The following FGD3 variants were observed in gnomAD, a reference collection of about 807,000 sequenced individuals.
The protein encoded by FGD3 is FYVE, RhoGEF and PH domain-containing protein 3.
FGD3 carries 45 observed loss-of-function variants against 71.8 expected under a neutral mutation model. That is an observed-to-expected ratio of 0.63 (90% CI 0.49 to 0.80). The LOEUF (loss-of-function observed/expected upper bound fraction) is 0.80, where lower values mean the gene tolerates loss of function less well. Among genes scored for constraint, FGD3 ranks in the 30% least tolerant of loss-of-function variants. The pLI, the probability that FGD3 is intolerant of heterozygous loss-of-function variation, is 0.00. For missense variants in FGD3, 844 were observed against 951.5 expected (o/e 0.89, Z 1.49); for synonymous variants, 378 against 392.8 (o/e 0.96, Z 0.44).
chr9:92,952,384 C>G (rs1858970359), intron 1 of FGD3, among the ~76,000 whole-genome samples: 4 of 152,112 alleles, frequency 2.6e-5, no homozygotes, highest in Admixed American at 2.6e-4. Flanking sequence ...CTACAGGCAC[C>G]CGCCACCACG....
chr9:92,953,600 A>G (rs1858997194), intron 1 of FGD3, among the ~76,000 whole-genome samples: 1 of 152,172 alleles, frequency 6.6e-6, no homozygotes, highest in African/African-American at 2.4e-5. Context: ...TATTTTCCCC[A>G]TGTTGGGGTG....
At chr9:93,029,059 G>A (rs1401441134) in intron 14 of FGD3, among the ~76,000 whole-genome samples, 1 of 125,442 alleles carries the variant, frequency 8.0e-6, no homozygotes, top group Non-Finnish European at 1.6e-5. Context: ...TCGCTCTATA[G>A]CCCAGGCTGG....
At chr9:93,013,784 T>C in intron 8 of FGD3, 68 bp from the exon 9 acceptor site, 1 of 1,594,476 alleles carries the variant, frequency 6.3e-7, no homozygotes, top group African/African-American at 1.4e-5. Context: ...AGGGAAGGAC[T>C]CCGTGCATCT....
chr9:92,960,964 TG>T (rs1194987339), intron 1 of FGD3, among the ~76,000 whole-genome samples: 1 of 150,846 alleles, frequency 6.6e-6, no homozygotes, highest in African/African-American at 2.4e-5. Context: ...TCCTGGTGAG[TG>T]GGTGCTCTTC....
At chr9:93,004,676 T>C (rs1301373343) in intron 5 of FGD3, among the ~76,000 whole-genome samples, 2 of 152,080 alleles carry the variant, frequency 1.3e-5, no homozygotes, top group African/African-American at 4.8e-5. Flanking sequence ...ACGTTGCGTG[T>C]TGCGTTTCCC....
At chr9:93,019,003 G>A (rs771182202) in intron 11 of FGD3, among the ~76,000 whole-genome samples, 6 of 151,992 alleles carry the variant, frequency 3.9e-5, no homozygotes, top group Non-Finnish European at 5.9e-5. Context: ...CCGCCACCAC[G>A]CCAGGCTAAT....
chr9:93,019,166 A>G (rs556871056), intron 11 of FGD3, among the ~76,000 whole-genome samples: 7 of 152,266 alleles, frequency 4.6e-5, no homozygotes, highest in Admixed American at 1.3e-4. Flanking sequence ...AGGATTTTCT[A>G]TGCACATGCA....
chr9:93,010,444 G>T, intron 7 of FGD3, 60 bp downstream of exon 7: 1 of 1,519,752 alleles, frequency 6.6e-7, no homozygotes, highest in Non-Finnish European at 8.9e-7. Context: ...AACTCTGGGG[G>T]TGGGGAGAGA....
Position 93,004,149 on chromosome 9 carries a change from C to T in FGD3, c.680+12C>T, listed in dbSNP as rs76713473. The T allele has an allele frequency of 5.9e-3, 9,580 of 1,612,970 alleles. 516 individuals are homozygous for T. The African/African-American group carries it at 0.11, about 19-fold the overall frequency. On this transcript the variant is annotated intron_variant, in intron 5 of 17. Coordinates refer to ENST00000375482, the MANE Select transcript of FGD3 (RefSeq NM_001083536.2). ...ATCACGGAGGAGTGGTGAGTACCATCTGCGCATGCCCATGGGGCCCCTCAA... is the reference window on the plus strand; with the variant it reads ...ATCACGGAGGAGTGGTGAGTACCATTTGCGCATGCCCATGGGGCCCCTCAA...
At chr9:93,029,070 G>C (rs576546833) in intron 14 of FGD3, among the ~76,000 whole-genome samples, 2 of 138,668 alleles carry the variant, frequency 1.4e-5, no homozygotes, top group South Asian at 4.6e-4. Flanking sequence ...CCCAGGCTGG[G>C]GTGCAATGGC....
chr9:92,962,939 CA>C (rs982916623), intron 1 of FGD3, among the ~76,000 whole-genome samples: 5,965 of 105,938 alleles, frequency 0.056, 120 homozygotes, highest in Middle Eastern at 0.09. Flanking sequence ...GGCTCCGTCT[CA>C]AAAAAAAAAA....
At chr9:93,005,129 AT>A (rs796849169) in intron 5 of FGD3, among the ~76,000 whole-genome samples, 173 of 145,744 alleles carry the variant, frequency 1.2e-3, no homozygotes, top group Middle Eastern at 3.5e-3. Context: ...CCCTTTGGAC[AT>A]TTTTTTTTTT....
Position 92,947,615 on chromosome 9 carries a change from C to T in FGD3, c.-332C>T, listed in dbSNP as rs1358092933. 1 of 152,382 alleles carries T rather than the reference C, an allele frequency of 6.6e-6. No individual in the cohort carries two copies. Among genetic ancestry groups the T allele is most frequent in the Non-Finnish European group, 1.5e-5 (1 of 68,144 alleles). The allele number at this position is 152,382 out of a possible 1,614,324, so 9.4% of individuals were successfully genotyped here. ...CTGCTGCCCACTGTGAGCGACCTCC[C>T]CGGGGCTCCTCTGGAAGCGGCTCCG... On this transcript the variant is annotated 5_prime_UTR_variant, in exon 1 of 18. Coordinates refer to ENST00000375482, the MANE Select transcript of FGD3 (RefSeq NM_001083536.2).
chr9:93,030,131 A>C, intron 15 of FGD3, 135 bp downstream of exon 15: 106 of 978,370 alleles, frequency 1.1e-4, no homozygotes, highest in Non-Finnish European at 1.3e-4. Flanking sequence ...ATCCTGGCTC[A>C]TGGATATAGA....
chr9:93,030,897 A>G (rs1284229719), intron 15 of FGD3, among the ~76,000 whole-genome samples: 1 of 152,050 alleles, frequency 6.6e-6, no homozygotes, highest in Non-Finnish European at 1.5e-5. Context: ...TAAATGGCAT[A>G]TGGAAGTATG....
intron 1 of FGD3, among the ~76,000 whole-genome samples, chr9:92,964,702 G>A (rs1345782502): frequency 6.6e-6 from 1 of 152,196 alleles, no homozygotes; most frequent in Non-Finnish European, 1.5e-5. Flanking sequence ...CCCATCGAAG[G>A]CTGGCAGGGG....
chr9:92,976,361 C>G lies in FGD3; in HGVS notation c.105C>G (p.Leu35=). ...GSSSLGKLQA[L]PVGPRAHCGD... is the part of the protein sequence containing the mutation. ...CCTCCCTAGGGAAGCTTCAGGCGCT[C>G]CCTGTTGGGCCCAGAGCCCACTGTG... The change falls in exon 3 of 18, where the codon CTC becomes CTG. Residue 35 remains leucine (L), a synonymous_variant. Coordinates refer to ENST00000375482, the MANE Select transcript of FGD3 (RefSeq NM_001083536.2). 6.2e-7 allele frequency: 1 copy of G among 1,610,494 alleles called. No individual in the cohort carries two copies. Among genetic ancestry groups the G allele is most frequent in the East Asian group, 2.2e-5 (1 of 44,832 alleles).
At chr9:93,015,039 T>C (rs919474871) in intron 9 of FGD3, among the ~76,000 whole-genome samples, 2 of 151,230 alleles carry the variant, frequency 1.3e-5, no homozygotes, top group Non-Finnish European at 3.0e-5. Context: ...TCTTCTCTGT[T>C]TCTAGAATTT....
intron 3 of FGD3, among the ~76,000 whole-genome samples, chr9:92,986,923 T>C (rs1860208172): frequency 6.6e-6 from 1 of 152,222 alleles, no homozygotes; most frequent in African/African-American, 2.4e-5. Context: ...GGAGCCTGTG[T>C]CTTTGCTGCC....
Sources: allele counts gnomAD v4.1 joint callset (sites outside exome capture counted in the v4.1 genomes callset), GRCh38; gene constraint gnomAD v4.1.1; transcripts MANE v1.5; gene names NCBI Gene and HGNC (gene_info 2026-07-23, HGNC 2026-07-21).